NCOR1: variants seen among roughly 807,000 people sequenced by gnomAD.
NCOR1 encodes the protein nuclear receptor corepressor 1.
In NCOR1, 63 loss-of-function variants were observed where a neutral mutation model predicts 288.1. The ratio of observed to expected loss-of-function variants is 0.22; its 90% CI spans 0.18 to 0.27. NCOR1 has a LOEUF of 0.27. Ranked by LOEUF, NCOR1 falls within the 10% of genes least tolerant of loss-of-function variation. The pLI, the probability that NCOR1 is intolerant of heterozygous loss-of-function variation, is 1.00. For missense variants in NCOR1, 2,397 were observed against 3,019.2 expected (o/e 0.79, Z 4.83); for synonymous variants, 1,007 against 1,065.9 (o/e 0.94, Z 1.08).
intron 19 of NCOR1, among the ~76,000 whole-genome samples, chr17:16,102,409 A>G (rs896079039): frequency 1.3e-5 from 2 of 151,998 alleles, no homozygotes; most frequent in African/African-American, 4.8e-5. Flanking sequence ...CAGCCTCCCA[A>G]GTAGCTGGAT....
chr17:16,159,867 C>G (rs2080471126), intron 5 of NCOR1, among the ~76,000 whole-genome samples: 2 of 147,644 alleles, frequency 1.4e-5, no homozygotes, highest in Admixed American at 1.4e-4. Context: ...GAGATGGAGT[C>G]TTGCTCTGTC....
chr17:16,079,064 T>C (rs1383829374), intron 26 of NCOR1, among the ~76,000 whole-genome samples: 2 of 152,166 alleles, frequency 1.3e-5, no homozygotes, highest in African/African-American at 4.8e-5. Flanking sequence ...AGCATCCCAG[T>C]GATGCCAATG....
intron 23 of NCOR1, among the ~76,000 whole-genome samples, chr17:16,082,938 A>AAT (rs1248539726): frequency 6.6e-6 from 1 of 152,152 alleles, no homozygotes; most frequent in Non-Finnish European, 1.5e-5. Context: ...CATTCTGCCT[A>AAT]ACAGTAAAAT....
At chr17:16,201,588 ACT>A (rs1462497169) in intron 1 of NCOR1, among the ~76,000 whole-genome samples, 1 of 152,090 alleles carries the variant, frequency 6.6e-6, no homozygotes, top group East Asian at 1.9e-4. Flanking sequence ...AGAGAACAAG[ACT>A]CTATCTCAAA....
chr17:16,158,155 G>C (rs945455004), intron 6 of NCOR1, among the ~76,000 whole-genome samples: 2 of 152,042 alleles, frequency 1.3e-5, no homozygotes, highest in African/African-American at 4.8e-5. Context: ...TGCATTTTTA[G>C]TAGAGACAGG....
intron 1 of NCOR1, among the ~76,000 whole-genome samples, chr17:16,197,004 G>A (rs2089966491): frequency 6.8e-6 from 1 of 146,576 alleles, no homozygotes; most frequent in African/African-American, 2.5e-5. Flanking sequence ...GTGATACAAT[G>A]AAACTCTGAC....
intron 17 of NCOR1, among the ~76,000 whole-genome samples, chr17:16,119,037 C>T (rs1234986541): frequency 6.6e-6 from 1 of 152,170 alleles, no homozygotes; most frequent in Non-Finnish European, 1.5e-5. Context: ...ATTTACCATC[C>T]TATCCTATTA....
chr17:16,061,492 A>G lies in NCOR1; in HGVS notation c.5790T>C (p.Ala1930=), dbSNP rs751153505. 2 of 1,614,214 alleles carry G rather than the reference A, an allele frequency of 1.2e-6. No individual in the cohort carries two copies. Among genetic ancestry groups the G allele is most frequent in the East Asian group, 2.2e-5 (1 of 44,888 alleles). The part of the protein sequence containing the change: ...RTRGKTTITA[A]NFIDVIITRQ... The stretch of plus-strand genomic sequence containing the variant: ...GGGTGATGATCACGTCTATGAAGTT[A>G]GCTGCAGTAATGGTAGTCTTCCCTC... The change falls in exon 37 of 46, where the codon GCT becomes GCC. Residue 1930 remains alanine (A), a synonymous_variant. Coordinates refer to ENST00000268712, the MANE Select transcript of NCOR1 (RefSeq NM_006311.4).
At chr17:16,098,549 C>T (rs1568001069) in intron 20 of NCOR1, 53 bp from the exon 21 acceptor site, 1 of 1,500,022 alleles carries the variant, frequency 6.7e-7, no homozygotes, top group East Asian at 2.4e-5. Flanking sequence ...AAGACTCAAA[C>T]ATATAATCAC....
chr17:16,144,913 T>A (rs1169109971), intron 10 of NCOR1, among the ~76,000 whole-genome samples: 2 of 147,904 alleles, frequency 1.4e-5, no homozygotes, highest in Non-Finnish European at 3.0e-5. Context: ...GTCTCCCCTC[T>A]CCCTCTCCCT....
chr17:16,067,965 C>T lies in NCOR1; in HGVS notation c.4670G>A (p.Gly1557Asp), dbSNP rs1175751768. The T allele has an allele frequency of 1.2e-6, 2 of 1,614,096 alleles. No individual in the cohort carries two copies. The highest frequency in any genetic ancestry group is 1.1e-5 in the South Asian group (1 of 91,086). ...GGGCAGGTGGCTCCGATAAACCTCG[C>T]CTGCAGTGCTGCCTCTGTGATGGGG... ...FDPHHRGSTA[G>D]EVYRSHLPTH... The change falls in exon 32 of 46, where the codon GGC (glycine) becomes GAC (aspartate). Residue 1557 changes from glycine (G) to aspartate (D), a missense_variant. Physicochemically the swap from Gly to Asp is moderately conservative, Grantham distance 94 (BLOSUM62 -1). Coordinates refer to ENST00000268712, the MANE Select transcript of NCOR1 (RefSeq NM_006311.4).
rs779386592 is a variant in NCOR1, at chr17:16,165,205, T to TA, written c.436-45dup. The TA allele has an allele frequency of 1.7e-5, 25 of 1,510,508 alleles. No homozygotes were observed. The South Asian group carries it at 3.0e-4, about 18-fold the overall frequency. 93.6% of individuals were successfully genotyped at this position (1,510,508 alleles called of 1,614,324 possible). The stretch of plus-strand genomic sequence containing the variant: ...AGAAAAACAATTTATTTCTCACTAA[T>TA]AGAGTCCAGATTGCCTTAAATGAAA... On this transcript the variant is annotated intron_variant, in intron 4 of 45. Coordinates refer to ENST00000268712, the MANE Select transcript of NCOR1 (RefSeq NM_006311.4).
At chr17:16,209,133 AG>A (rs2091876886) in intron 1 of NCOR1, among the ~76,000 whole-genome samples, 1 of 152,174 alleles carries the variant, frequency 6.6e-6, no homozygotes, top group African/African-American at 2.4e-5. Context: ...AAGGATCAAG[AG>A]TTCCCAGAAT....
rs560592250 is a variant in NCOR1 at position 16,212,606 on chromosome 17, G to A, written c.-71+2756C>T. 3.3e-5 allele frequency among the ~76,000 whole-genome samples: 5 copies of A among 152,240 alleles called. No homozygotes were observed. In the South Asian group the frequency reaches 8.3e-4, roughly 25 times the overall value. On this transcript the variant is annotated intron_variant, in intron 1 of 45. Coordinates refer to ENST00000268712, the MANE Select transcript of NCOR1 (RefSeq NM_006311.4). ...AAGAAGAATTTGAAATTACAACTAA[G>A]ATAGATCACAGAATACAATTAAAAC...
At chr17:16,088,766 T>C (rs1313338634) in intron 22 of NCOR1, among the ~76,000 whole-genome samples, 1 of 152,094 alleles carries the variant, frequency 6.6e-6, no homozygotes, top group East Asian at 1.9e-4. Flanking sequence ...CACATCTAAT[T>C]GCCCAATCAA....
intron 44 of NCOR1, among the ~76,000 whole-genome samples, chr17:16,036,938 C>T (rs1047251753): frequency 1.3e-5 from 2 of 152,246 alleles, no homozygotes; most frequent in African/African-American, 4.8e-5. Flanking sequence ...CTGTTTGGCA[C>T]ATGAGGTCTA....
chr17:16,128,398 G>A (rs2075083645), intron 14 of NCOR1, among the ~76,000 whole-genome samples: 1 of 152,146 alleles, frequency 6.6e-6, no homozygotes, highest in African/African-American at 2.4e-5. Context: ...ACACCTGCTT[G>A]TAGCACTGTC....
intron 14 of NCOR1, among the ~76,000 whole-genome samples, chr17:16,135,920 T>C (rs1186705765): frequency 1.3e-5 from 2 of 152,118 alleles, no homozygotes; most frequent in Non-Finnish European, 2.9e-5. Context: ...CCAGAAGAGA[T>C]TTAATAATGC....
intron 4 of NCOR1, among the ~76,000 whole-genome samples, chr17:16,167,503 G>T (rs2082237523): frequency 6.6e-6 from 1 of 151,818 alleles, no homozygotes; most frequent in African/African-American, 2.4e-5. Flanking sequence ...GTTCAGGAAG[G>T]CCAAAAGCAA....
Sources: allele counts gnomAD v4.1 joint callset (sites outside exome capture counted in the v4.1 genomes callset), GRCh38; gene constraint gnomAD v4.1.1; transcripts MANE v1.5; gene names NCBI Gene and HGNC (gene_info 2026-07-23, HGNC 2026-07-21).